TENM4: variants seen among roughly 807,000 people sequenced by gnomAD.
TENM4 encodes the protein teneurin-4.
A neutral mutation model predicts 243.3 loss-of-function variants in TENM4; 82 were observed. The observed-to-expected ratio is 0.34, with a 90% CI of 0.28 to 0.40. TENM4 has a LOEUF of 0.40. Ranked by LOEUF, TENM4 falls within the 10% of genes least tolerant of loss-of-function variation. TENM4 has a pLI of 1.00. For synonymous variants in TENM4, 1,412 were observed against 1,456.3 expected (o/e 0.97, Z 0.69); for missense variants, 3,138 against 3,673.3 (o/e 0.85, Z 3.77).
At chr11:79,369,293 A>C (rs1336009239) in intron 1 of TENM4, among the ~76,000 whole-genome samples, 1 of 152,216 alleles carries the variant, frequency 6.6e-6, no homozygotes, top group Non-Finnish European at 1.5e-5. Context: ...AAGCCTCTTC[A>C]ATTGCAGCCT....
At chr11:78,890,268 C>A (rs547125) in intron 8 of TENM4, among the ~76,000 whole-genome samples, 120,924 of 152,136 alleles carry the variant, frequency 0.79, 50,331 homozygotes, top group Non-Finnish European at 0.92. Flanking sequence ...AACCCACCCA[C>A]GGCAAGGCAG....
intron 12 of TENM4, among the ~76,000 whole-genome samples, chr11:78,844,628 G>A (rs1298401676): frequency 6.6e-6 from 1 of 151,140 alleles, no homozygotes. Context: ...GCAACAGAGT[G>A]AGACTCTGTC....
At chr11:78,712,956 C>T (rs1391253397) in intron 25 of TENM4, among the ~76,000 whole-genome samples, 1 of 152,036 alleles carries the variant, frequency 6.6e-6, no homozygotes, top group Admixed American at 6.5e-5. Flanking sequence ...TTGCACTATT[C>T]TTGCAAAAAC....
chr11:78,718,053 A>G (rs1327335543), intron 25 of TENM4, among the ~76,000 whole-genome samples: 3 of 152,182 alleles, frequency 2.0e-5, no homozygotes, highest in African/African-American at 4.8e-5. Flanking sequence ...CACACAGCCT[A>G]CAGTTGCCAG....
chr11:78,887,701 AT>A (rs1855577066), intron 9 of TENM4, among the ~76,000 whole-genome samples: 1 of 152,210 alleles, frequency 6.6e-6, no homozygotes, highest in African/African-American at 2.4e-5. Flanking sequence ...GAGCTCACTA[AT>A]TCCCACAGTT....
rs192231903 is a variant in TENM4 at position 78,788,063 on chromosome 11, C to T, written c.2180-980G>A. Among the ~76,000 whole-genome samples, 4 of 152,352 alleles carry T rather than the reference C, an allele frequency of 2.6e-5. No individual in the cohort carries two copies. In the East Asian group the frequency reaches 7.7e-4, roughly 29 times the overall value. ...CTCGTGGCCCCACATGCTTCAAATTCACATGAAAATCTCAATCCTTTTCAT... is the reference window on the plus strand; with the variant it reads ...CTCGTGGCCCCACATGCTTCAAATTTACATGAAAATCTCAATCCTTTTCAT... On this transcript the variant is annotated intron_variant, in intron 15 of 33. Transcript: ENST00000278550.
At chr11:78,695,328 A>G (rs116490702) in intron 28 of TENM4, among the ~76,000 whole-genome samples, 1,918 of 151,802 alleles carry the variant, frequency 0.013, 60 homozygotes, top group African/African-American at 0.045. Context: ...CATTTGAAAG[A>G]TATTTTTATT....
At chr11:79,301,787 A>AC (rs890152642) in intron 1 of TENM4, among the ~76,000 whole-genome samples, 1 of 151,338 alleles carries the variant, frequency 6.6e-6, no homozygotes, top group Non-Finnish European at 1.5e-5. Flanking sequence ...TCTTGGCCTC[A>AC]CCCCCCTTGC....
At chr11:78,903,797 A>C in intron 6 of TENM4, 1 of 695,340 alleles carries the variant, frequency 1.4e-6, no homozygotes, top group Non-Finnish European at 2.6e-6. Flanking sequence ...CATAAAAAAG[A>C]CTAGTTACCC....
Position 78,672,245 on chromosome 11 carries a change from G to A in TENM4, c.5581C>T (p.Leu1861Phe), listed in dbSNP as rs372403377. The stretch of plus-strand genomic sequence containing the variant: ...CCCGCCTGGTCGTACAGAATCCGAA[G>A]GGTGAACTTGCGGTGGTCATCATAG... ...KIYDDHRKFT[L>F]RILYDQAGRP... The change falls in exon 31 of 34, where the codon CTT becomes TTT. Residue 1861 changes from leucine (L) to phenylalanine (F), a missense_variant. Leu to Phe is a conservative substitution (Grantham distance 22). This residue lies in a region of TENM4 where 2,467 missense variants were observed against 3,059.1 expected (regional missense o/e 0.81). Transcript: ENST00000278550. 4 of 1,613,960 alleles carry A rather than the reference G, an allele frequency of 2.5e-6. No individual in the cohort carries two copies. The highest frequency in any genetic ancestry group is 2.7e-5 in the African/African-American group (2 of 74,946).
intron 14 of TENM4, among the ~76,000 whole-genome samples, chr11:78,811,698 T>A (rs1239808241): frequency 6.6e-6 from 1 of 151,094 alleles, no homozygotes; most frequent in Non-Finnish European, 1.5e-5. Flanking sequence ...TAGAGGGGAG[T>A]GAAAAGAACT....
At chr11:78,697,623 C>A (rs1272576528) in intron 28 of TENM4, among the ~76,000 whole-genome samples, 1 of 152,158 alleles carries the variant, frequency 6.6e-6, no homozygotes, top group Non-Finnish European at 1.5e-5. Flanking sequence ...TCTGAATTTA[C>A]GTGTCATTAT....
intron 2 of TENM4, among the ~76,000 whole-genome samples, chr11:79,283,097 C>T (rs905905982): frequency 6.6e-6 from 1 of 151,992 alleles, no homozygotes; most frequent in East Asian, 1.9e-4. Context: ...AAGATTAACA[C>T]AAATTCTTTA....
intron 2 of TENM4, among the ~76,000 whole-genome samples, chr11:79,256,177 T>A (rs772269943): frequency 2.0e-5 from 3 of 152,162 alleles, no homozygotes; most frequent in Non-Finnish European, 2.9e-5. Flanking sequence ...CAGCATCTTC[T>A]CCTGTAGCCA....
chr11:78,675,655 G>C (rs774605881), intron 30 of TENM4, among the ~76,000 whole-genome samples: 24 of 152,320 alleles, frequency 1.6e-4, no homozygotes, highest in Non-Finnish European at 3.4e-4. Flanking sequence ...TCATTTTGGA[G>C]AATGTAGCTT....
At chr11:79,348,701 C>T (rs1331515877) in intron 1 of TENM4, among the ~76,000 whole-genome samples, 1 of 152,160 alleles carries the variant, frequency 6.6e-6, no homozygotes, top group Non-Finnish European at 1.5e-5. Context: ...TGGCTGGCAC[C>T]TTGATCTTGG....
chr11:78,675,744 A>G (rs1194513688), intron 30 of TENM4, among the ~76,000 whole-genome samples: 1 of 152,220 alleles, frequency 6.6e-6, no homozygotes, highest in African/African-American at 2.4e-5. Context: ...CATAACAATA[A>G]CAATAAGAGT....
rs113861077 is a variant in TENM4 at position 78,739,735 on chromosome 11, C to T, written c.2757-1165G>A. Among the ~76,000 whole-genome samples the T allele has an allele frequency of 5.0e-3, 765 of 152,246 alleles. 4 individuals carry two copies. The highest frequency in any genetic ancestry group is 8.9e-3 in the Non-Finnish European group (605 of 68,018). On this transcript the variant is annotated intron_variant, in intron 19 of 33. Coordinates refer to ENST00000278550, the MANE Select transcript of TENM4 (RefSeq NM_001098816.3). Reference sequence around the variant, plus strand: ...CGCTGGATGAAGTCGGGATGGAGGCCTCCTCTCCCTTGGGGTGATTTTGAA... The same window carrying T: ...CGCTGGATGAAGTCGGGATGGAGGCTTCCTCTCCCTTGGGGTGATTTTGAA...
At chr11:79,437,959 C>T (rs1859312849) in intron 1 of TENM4, among the ~76,000 whole-genome samples, 1 of 152,218 alleles carries the variant, frequency 6.6e-6, no homozygotes, top group Non-Finnish European at 1.5e-5. Context: ...TTTTCAATCG[C>T]ATTGTTAAGG....
Sources: allele counts gnomAD v4.1 joint callset (sites outside exome capture counted in the v4.1 genomes callset), GRCh38; gene constraint gnomAD v4.1.1; regional missense constraint gnomAD v4.1.1; transcripts MANE v1.5; gene names NCBI Gene and HGNC (gene_info 2026-07-23, HGNC 2026-07-21).